Variants in KLRG1 observed in about 807,000 individuals in gnomAD.
KLRG1 encodes killer cell lectin like receptor G1, also known as killer cell lectin-like receptor subfamily G member 1.
In KLRG1, 16 loss-of-function variants were observed where a neutral mutation model predicts 21.8. The observed-to-expected ratio is 0.73, with a 90% CI of 0.50 to 1.11. KLRG1 has a LOEUF of 1.11. Ranked by LOEUF, KLRG1 falls within the 50% of genes most tolerant of loss-of-function variation. KLRG1 has a pLI of 0.00. For missense variants in KLRG1, 173 were observed against 218.3 expected (o/e 0.79, Z 1.31); for synonymous variants, 69 against 75.9 (o/e 0.91, Z 0.47).
chr12:9,201,319 ATACT>A, the KLRG1 span: 37 of 1,541,088 alleles, frequency 2.4e-5, no homozygotes, highest in South Asian at 4.1e-4. Flanking sequence ...ACTTTTTCTG[ATACT>A]TACCTCAAGG....
the KLRG1 span, chr12:9,193,980 AT>A: frequency 8.4e-7 from 1 of 1,189,570 alleles, no homozygotes; most frequent in Non-Finnish European, 1.2e-6. Flanking sequence ...ATATCTTCTT[AT>A]TTCTTACTCT....
At chr12:9,182,132 G>GAATGAGACAAAATGGTCATA in the KLRG1 span, 3 of 1,554,332 alleles carry the variant, frequency 1.9e-6, no homozygotes, top group Non-Finnish European at 1.7e-6. Context: ...AACATGGAGA[G>GAATGAGACAAAATGGTCATA]AGTGAGACAA....
At chr12:9,026,797 A>G in the KLRG1 span, among the ~76,000 whole-genome samples, 1 of 151,982 alleles carries the variant, frequency 6.6e-6, no homozygotes, top group Non-Finnish European at 1.5e-5. Flanking sequence ...TTTTCTTAAA[A>G]CATTATGGAG....
the KLRG1 span, chr12:9,066,299 C>T: frequency 1.3e-5 from 2 of 152,414 alleles, no homozygotes; most frequent in Non-Finnish European, 2.9e-5. Flanking sequence ...GGCTGTGACT[C>T]CCTCTTTGGG....
At position 8,994,470 on chromosome 12, in the gene KLRG1, T is replaced by G. The variant is rs189873313; in HGVS notation, c.188-649T>G. Among the ~76,000 whole-genome samples, 13 of 152,354 alleles carry G rather than the reference T, an allele frequency of 8.5e-5. No individual in the cohort carries two copies. The East Asian group carries it at 2.1e-3, about 25-fold the overall frequency. ...TAGGGCATTCTATCACTTTTCACTT[T>G]AGCACCTGTTATGCTTCTCTGCCAG... On this transcript the variant is annotated intron_variant, in intron 2 of 4. Coordinates refer to ENST00000356986, the MANE Select transcript of KLRG1 (RefSeq NM_005810.4).
the KLRG1 span, among the ~76,000 whole-genome samples, chr12:9,158,092 AG>A: frequency 2.3e-4 from 35 of 152,306 alleles, no homozygotes; most frequent in Non-Finnish European, 3.7e-4. Flanking sequence ...CTGCAACTAC[AG>A]GCACAGGCCA....
the KLRG1 span, among the ~76,000 whole-genome samples, chr12:9,198,350 A>G: frequency 5.3e-5 from 8 of 152,198 alleles, no homozygotes; most frequent in African/African-American, 1.9e-4. Context: ...TGTCTACTAA[A>G]AAAATGTTTC....
chr12:9,200,868 T>C, the KLRG1 span: 1 of 1,590,228 alleles, frequency 6.3e-7, no homozygotes, highest in African/African-American at 1.4e-5. Context: ...ATGTTATGCC[T>C]TTTTCATCTT....
At chr12:9,162,592 C>T in the KLRG1 span, 2 of 1,573,424 alleles carry the variant, frequency 1.3e-6, no homozygotes, top group African/African-American at 2.7e-5. Context: ...AAGATGGACT[C>T]TTACCTGAGG....
At chr12:9,074,351 C>T in the KLRG1 span, among the ~76,000 whole-genome samples, 2 of 152,184 alleles carry the variant, frequency 1.3e-5, no homozygotes, top group South Asian at 2.1e-4. Context: ...AATAACACAG[C>T]GATGGGGTGC....
At chr12:8,958,124 C>G (rs2137206871) in intron 1 of KLRG1, among the ~76,000 whole-genome samples, 1 of 152,256 alleles carries the variant, frequency 6.6e-6, no homozygotes, top group East Asian at 1.9e-4. Context: ...TCTCAAACTC[C>G]TGGCCTCAAG....
the KLRG1 span, chr12:9,111,562 G>T: frequency 2.2e-6 from 1 of 456,236 alleles, no homozygotes; most frequent in South Asian, 1.6e-5. Flanking sequence ...AGTGGATGTG[G>T]GTATGAGAGA....
At chr12:8,984,396 G>GT (rs1946808849) in intron 1 of KLRG1, among the ~76,000 whole-genome samples, 1 of 152,048 alleles carries the variant, frequency 6.6e-6, no homozygotes, top group Non-Finnish European at 1.5e-5. Context: ...TAGAGACAGG[G>GT]TTTCACCATG....
At chr12:9,031,110 G>A in the KLRG1 span, among the ~76,000 whole-genome samples, 1 of 152,170 alleles carries the variant, frequency 6.6e-6, no homozygotes, top group Non-Finnish European at 1.5e-5. Flanking sequence ...TGCTGCACGT[G>A]GTGAGGGCTC....
At chr12:9,097,590 T>C in the KLRG1 span, among the ~76,000 whole-genome samples, 2 of 152,040 alleles carry the variant, frequency 1.3e-5, no homozygotes, top group Non-Finnish European at 2.9e-5. Context: ...CCTCAGAAAT[T>C]ATGTGTAGCT....
intron 1 of KLRG1, among the ~76,000 whole-genome samples, chr12:8,978,627 T>C (rs971288307): frequency 6.7e-6 from 1 of 149,988 alleles, no homozygotes; most frequent in East Asian, 2.0e-4. Context: ...GTCTTTCTTT[T>C]TCTTTTTCTT....
the KLRG1 span, among the ~76,000 whole-genome samples, chr12:9,126,131 G>A: frequency 1.3e-5 from 2 of 152,170 alleles, no homozygotes; most frequent in Non-Finnish European, 2.9e-5. Context: ...TACAGGGTGA[G>A]CATATAACTC....
the KLRG1 span, chr12:9,192,758 A>C: frequency 6.6e-7 from 1 of 1,525,106 alleles, no homozygotes. Context: ...ACAGAAAAGC[A>C]AAGAAAGAAT....
Position 9,010,177 on chromosome 12 carries a change from C to A in KLRG1, c.*640C>A. 2.0e-6 allele frequency: 1 copy of A among 494,058 alleles called. No individual in the cohort carries two copies. The highest frequency in any genetic ancestry group is 3.5e-6 in the Non-Finnish European group (1 of 285,890). The allele number at this position is 494,058 out of a possible 1,614,324, so 30.6% of individuals were successfully genotyped here. On this transcript the variant is annotated 3_prime_UTR_variant, in exon 5 of 5. Transcript: ENST00000356986. Reference sequence around the variant, plus strand: ...CTCCAGCCTGGGAGATAGAGCAAGACTCCATCTCTAAAAAAAAAAAAAAAT... The same window carrying A: ...CTCCAGCCTGGGAGATAGAGCAAGAATCCATCTCTAAAAAAAAAAAAAAAT...
Sources: gnomAD v4.1 joint callset for allele counts (sites outside exome capture counted in the v4.1 genomes callset) on GRCh38, gnomAD v4.1.1 for gene constraint, MANE v1.5 for transcripts, NCBI Gene and HGNC (gene_info 2026-07-23, HGNC 2026-07-21) for gene names.